Variants in PATL2 observed in about 807,000 individuals in gnomAD.
The protein encoded by PATL2 is protein PAT1 homolog 2.
In PATL2, 73 loss-of-function variants were observed where a neutral mutation model predicts 77.0. The observed-to-expected ratio is 0.95, with a 90% CI of 0.78 to 1.15. The LOEUF (loss-of-function observed/expected upper bound fraction) is 1.15. Among genes scored for constraint, PATL2 ranks in the 50% most tolerant of loss-of-function variants. The pLI is 0.00. For missense variants in PATL2, 618 were observed against 655.4 expected (o/e 0.94, Z 0.62); for synonymous variants, 265 against 257.1 (o/e 1.03, Z -0.29).
intron 3 of PATL2, among the ~76,000 whole-genome samples, chr15:44,692,750 GC>G (rs1375065373): frequency 3.3e-5 from 5 of 152,278 alleles, no homozygotes; most frequent in African/African-American, 1.2e-4. Flanking sequence ...GGGGCTGGAG[GC>G]CCCTCCTCTT....
intron 3 of PATL2, among the ~76,000 whole-genome samples, chr15:44,680,601 C>T (rs958292276): frequency 1.3e-5 from 2 of 152,122 alleles, no homozygotes; most frequent in Admixed American, 6.5e-5. Context: ...CTGTTTTCCC[C>T]TTTCTTTTTC....
In PATL2 at chr15:44,675,509, G is replaced by A. The variant is rs766121687; in HGVS notation, c.199C>T (p.Leu67Phe). 1 of 1,551,712 alleles carries A rather than the reference G, an allele frequency of 6.4e-7. No individual in the cohort carries two copies. The highest frequency in any genetic ancestry group is 1.4e-5 in the African/African-American group (1 of 73,178). ...EENDLGDPAV[L>F]GAVHNTQRAL... Reference sequence around the variant, plus strand: ...ACCTGGGTGTTGTGGACAGCACCAAGTACAGCTGGATCCCCAAGATCATTC... The same window carrying A: ...ACCTGGGTGTTGTGGACAGCACCAAATACAGCTGGATCCCCAAGATCATTC... Residue 67 changes from leucine to phenylalanine, a missense_variant, in exon 5 of 18, where the codon CTT (leucine) becomes TTT (phenylalanine). Coordinates refer to ENST00000682850, the MANE Select transcript of PATL2 (RefSeq NM_001387263.1).
At chr15:44,683,779 AC>A (rs1289178421) in intron 3 of PATL2, among the ~76,000 whole-genome samples, 1 of 152,090 alleles carries the variant, frequency 6.6e-6, no homozygotes, top group African/African-American at 2.4e-5. Context: ...TGTGTCCCTG[AC>A]CCCCATGCCT....
At chr15:44,707,651 G>A (rs2086767751) in intron 3 of PATL2, among the ~76,000 whole-genome samples, 1 of 152,170 alleles carries the variant, frequency 6.6e-6, no homozygotes, top group African/African-American at 2.4e-5. Context: ...TCAAGCAGAG[G>A]AAAGAAGTCT....
chr15:44,669,427 G>A lies in PATL2; in HGVS notation c.931-14C>T, dbSNP rs1470117789. 1.3e-6 allele frequency: 2 copies of A among 1,547,748 alleles called. No individual in the cohort carries two copies. The highest frequency in any genetic ancestry group is 1.7e-6 in the Non-Finnish European group (2 of 1,144,074). On this transcript the variant is annotated splice_polypyrimidine_tract_variant and intron_variant, in intron 12 of 17. Coordinates refer to ENST00000682850, the MANE Select transcript of PATL2 (RefSeq NM_001387263.1). The stretch of plus-strand genomic sequence containing the variant: ...CTGAAGGAACATCTGGGAATTTGAG[G>A]GTGGAAAAAAGAGGTAAATTTGGGT...
intron 3 of PATL2, among the ~76,000 whole-genome samples, chr15:44,698,477 G>A (rs1240845738): frequency 2.6e-5 from 4 of 151,778 alleles, no homozygotes; most frequent in African/African-American, 9.7e-5. Context: ...CTCCCACAGA[G>A]AAGAACACAC....
intron 9 of PATL2, among the ~76,000 whole-genome samples, chr15:44,671,758 C>G (rs2085689788): frequency 1.3e-5 from 2 of 152,194 alleles, no homozygotes; most frequent in Admixed American, 1.3e-4. Flanking sequence ...AGGGAAAATT[C>G]TTAGCAAAGA....
chr15:44,695,023 T>C (rs2141252232), intron 3 of PATL2, among the ~76,000 whole-genome samples: 1 of 151,994 alleles, frequency 6.6e-6, no homozygotes, highest in South Asian at 2.1e-4. Context: ...CGGTCTCTAC[T>C]AAAAATACAA....
intron 6 of PATL2, 74 bp downstream of exon 6, chr15:44,674,076 C>A: frequency 3.6e-6 from 5 of 1,398,230 alleles, no homozygotes; most frequent in South Asian, 1.4e-5. Flanking sequence ...AACTCCAGAC[C>A]AGGGTTGGGG....
intron 4 of PATL2, chr15:44,676,013 C>T (rs1210632598): frequency 2.8e-6 from 1 of 355,866 alleles, no homozygotes; most frequent in Non-Finnish European, 5.1e-6. Flanking sequence ...GAGACCCTGT[C>T]TCTAAGTAAA....
intron 3 of PATL2, among the ~76,000 whole-genome samples, chr15:44,703,177 G>A (rs1186662317): frequency 1.3e-5 from 2 of 152,094 alleles, no homozygotes; most frequent in African/African-American, 4.8e-5. Context: ...TCAGGAGGCT[G>A]AGGCAGGAGA....
chr15:44,676,840 G>A lies in PATL2; in HGVS notation c.-75-275C>T, dbSNP rs1044659198. The A allele has an allele frequency of 2.7e-6, 3 of 1,117,004 alleles. No individual in the cohort carries two copies. The African/African-American group carries it at 4.9e-5, about 18-fold the overall frequency. 69.2% of individuals were successfully genotyped at this position (1,117,004 alleles called of 1,614,324 possible). On this transcript the variant is annotated intron_variant, in intron 3 of 17. Transcript: ENST00000682850. Reference sequence around the variant, plus strand: ...ACATCACCAGTCACCGTCCGAGTGTGGTGATGCCTTGCTGCCGACACCCAC... The same window carrying A: ...ACATCACCAGTCACCGTCCGAGTGTAGTGATGCCTTGCTGCCGACACCCAC...
At chr15:44,688,131 A>G (rs1350211880) in intron 3 of PATL2, among the ~76,000 whole-genome samples, 1 of 151,610 alleles carries the variant, frequency 6.6e-6, no homozygotes, top group Non-Finnish European at 1.5e-5. Flanking sequence ...CTGCAGCCCC[A>G]GCTACTTGGG....
At chr15:44,676,934 T>C in intron 3 of PATL2, 12 of 1,010,296 alleles carry the variant, frequency 1.2e-5, no homozygotes, top group Non-Finnish European at 1.4e-5. Flanking sequence ...TGTTTGCCGC[T>C]CCTGGCTTTA....
At chr15:44,688,659 T>C (rs1273933068) in intron 3 of PATL2, among the ~76,000 whole-genome samples, 1 of 152,204 alleles carries the variant, frequency 6.6e-6, no homozygotes, top group Non-Finnish European at 1.5e-5. Flanking sequence ...GCTATCCATA[T>C]GCAGAAAACT....
intron 3 of PATL2, among the ~76,000 whole-genome samples, chr15:44,705,503 C>A (rs971455478): frequency 4.6e-5 from 7 of 152,098 alleles, no homozygotes; most frequent in Non-Finnish European, 1.5e-5. Context: ...CTTAAATTTG[C>A]CGTTTTGAGG....
chr15:44,701,886 T>G (rs1367030240), intron 3 of PATL2, among the ~76,000 whole-genome samples: 1 of 151,858 alleles, frequency 6.6e-6, no homozygotes, highest in African/African-American at 2.4e-5. Flanking sequence ...TGGTAAGATT[T>G]GGAGCAAGAG....
chr15:44,697,696 C>T (rs766653667), intron 3 of PATL2, among the ~76,000 whole-genome samples: 2 of 152,034 alleles, frequency 1.3e-5, no homozygotes, highest in Non-Finnish European at 2.9e-5. Context: ...CTTATGGATC[C>T]CTTCTCGGAA....
intron 3 of PATL2, among the ~76,000 whole-genome samples, chr15:44,699,541 TG>T (rs1207081124): frequency 1.2e-4 from 18 of 152,200 alleles, no homozygotes; most frequent in African/African-American, 4.1e-4. Context: ...GGTTTTACCA[TG>T]TTGGCCAGGC....
Sources: gnomAD v4.1 joint callset for allele counts (sites outside exome capture counted in the v4.1 genomes callset) on GRCh38, gnomAD v4.1.1 for gene constraint, MANE v1.5 for transcripts, NCBI Gene and HGNC (gene_info 2026-07-23, HGNC 2026-07-21) for gene names.